TMEM236: variants seen among roughly 807,000 people sequenced by gnomAD.
TMEM236 encodes the protein transmembrane protein 236, also known as family with sequence similarity 23, member A.
A neutral mutation model predicts 14.7 loss-of-function variants in TMEM236; 11 were observed. The ratio of observed to expected loss-of-function variants is 0.75; its 90% CI spans 0.47 to 1.24. The LOEUF (loss-of-function observed/expected upper bound fraction) is 1.24. TMEM236 is among the 50% of genes most tolerant of loss of function. TMEM236 has a pLI of 0.00. For synonymous variants in TMEM236, 182 were observed against 168.6 expected (o/e 1.08, Z -0.62); for missense variants, 464 against 427.3 (o/e 1.09, Z -0.76).
intron 3 of TMEM236, among the ~76,000 whole-genome samples, chr10:17,792,966 G>C: frequency 6.6e-6 from 1 of 152,152 alleles, no homozygotes. Flanking sequence ...TGTGCTTGCT[G>C]GTCCCCTCCA....
intron 1 of TMEM236, among the ~76,000 whole-genome samples, chr10:17,768,727 ATGTGTGTG>A (rs570319904): frequency 1.4e-5 from 2 of 144,200 alleles, no homozygotes; most frequent in African/African-American, 2.5e-5. Context: ...TATACAACTC[ATGTGTGTG>A]TGTGTGTGTG....
Position 17,762,220 on chromosome 10 carries a change from G to A in TMEM236, c.258-9089G>A, listed in dbSNP as rs919031599. Reference sequence around the variant, plus strand: ...GGCATCATTCTGCCATCTCAACCACGCCACATCTCAGTCTGCTAAGTTTTC... The same window carrying A: ...GGCATCATTCTGCCATCTCAACCACACCACATCTCAGTCTGCTAAGTTTTC... On this transcript the variant is annotated intron_variant, in intron 1 of 3. Coordinates refer to ENST00000377495, the MANE Select transcript of TMEM236 (RefSeq NM_001098844.3). Among the ~76,000 whole-genome samples the A allele has an allele frequency of 9.2e-3, 1,394 of 152,076 alleles. 25 individuals are homozygous for A. Among genetic ancestry groups the A allele is most frequent in the African/African-American group, 0.032 (1,324 of 41,482 alleles).
chr10:17,752,564 A>T lies in TMEM236; in HGVS notation c.257+12A>T, dbSNP rs1837224966. ...AAAATTAAAGGATGGTAAGTAAAAG[A>T]ATTTTCTTTTTTTTCTTTTTGATTT... On this transcript the variant is annotated intron_variant, in intron 1 of 3. Coordinates refer to ENST00000377495, the MANE Select transcript of TMEM236 (RefSeq NM_001098844.3). The T allele has an allele frequency of 6.2e-7, 1 of 1,612,570 alleles. No individual in the cohort carries two copies. Among genetic ancestry groups the T allele is most frequent in the Non-Finnish European group, 8.5e-7 (1 of 1,178,916 alleles).
intron 3 of TMEM236, among the ~76,000 whole-genome samples, chr10:17,779,409 G>T (rs1324293073): frequency 6.6e-6 from 1 of 151,880 alleles, no homozygotes; most frequent in Admixed American, 6.6e-5. Flanking sequence ...CTGGTTTGAG[G>T]CTCAACAGTA....
chr10:17,758,450 C>T (rs1367717369), intron 1 of TMEM236, among the ~76,000 whole-genome samples: 1 of 152,034 alleles, frequency 6.6e-6, no homozygotes, highest in Non-Finnish European at 1.5e-5. Flanking sequence ...GGATTCAAAT[C>T]CTAGCCTTGA....
intron 3 of TMEM236, among the ~76,000 whole-genome samples, chr10:17,791,466 C>T (rs1187960901): frequency 1.3e-5 from 2 of 151,792 alleles, no homozygotes; most frequent in South Asian, 2.1e-4. Flanking sequence ...TCTAAAATAA[C>T]GTAAAGTGAC....
At chr10:17,760,079 A>C (rs1437828950) in intron 1 of TMEM236, among the ~76,000 whole-genome samples, 1 of 150,380 alleles carries the variant, frequency 6.6e-6, no homozygotes, top group Admixed American at 6.6e-5. Flanking sequence ...AACACACAGC[A>C]CTAGTGACAT....
chr10:17,794,822 G>A (rs2131769498), intron 3 of TMEM236, among the ~76,000 whole-genome samples: 1 of 152,274 alleles, frequency 6.6e-6, no homozygotes, highest in East Asian at 1.9e-4. Context: ...AAGATCACAT[G>A]AGGTCAGGAG....
At chr10:17,792,761 T>C (rs923770607) in intron 3 of TMEM236, among the ~76,000 whole-genome samples, 3 of 152,224 alleles carry the variant, frequency 2.0e-5, no homozygotes, top group Non-Finnish European at 4.4e-5. Flanking sequence ...GCTCTCTCTT[T>C]ATGCTTATAT....
chr10:17,799,097 A>C lies in TMEM236; in HGVS notation c.*2593A>C, dbSNP rs1248822081. The C allele has an allele frequency of 5.6e-6, 1 of 177,738 alleles. No individual in the cohort carries two copies. The highest frequency in any genetic ancestry group is 2.4e-5 in the African/African-American group (1 of 41,624). 11.0% of individuals were successfully genotyped at this position (177,738 alleles called of 1,614,324 possible). A position where few individuals can be genotyped will look rare whatever the true frequency, so the allele number is the denominator to read the frequency against. On this transcript the variant is annotated 3_prime_UTR_variant, in exon 4 of 4. Transcript: ENST00000377495. The stretch of plus-strand genomic sequence containing the variant: ...TAAATTAAAATGGACACAAGCCTTC[A>C]TTCATCAGACATTTGAGTGTCTGTC...
chr10:17,793,442 TATTA>T (rs1837960255), intron 3 of TMEM236, among the ~76,000 whole-genome samples: 1 of 152,216 alleles, frequency 6.6e-6, no homozygotes, highest in African/African-American at 2.4e-5. Flanking sequence ...GGACATGACA[TATTA>T]TAAGGCAATA....
intron 1 of TMEM236, among the ~76,000 whole-genome samples, chr10:17,764,599 A>C (rs1287129058): frequency 6.6e-6 from 1 of 152,118 alleles, no homozygotes; most frequent in African/African-American, 2.4e-5. Context: ...GAAATACCTG[A>C]AAGTTCTGGA....
rs1473103508 is a variant in TMEM236 at position 17,797,978 on chromosome 10, C to T, written c.*1474C>T. 3 of 152,120 alleles carry T rather than the reference C, an allele frequency of 2.0e-5. No homozygotes were observed. The highest frequency in any genetic ancestry group is 7.2e-5 in the African/African-American group (3 of 41,398). The allele number at this position is 152,120 out of a possible 1,614,324, so 9.4% of individuals were successfully genotyped here. ...AAAGTTCGGCTTACAAATATAATAGCCAATGTATCAGTGTCTTATGTGATA... is the reference window on the plus strand; with the variant it reads ...AAAGTTCGGCTTACAAATATAATAGTCAATGTATCAGTGTCTTATGTGATA... On this transcript the variant is annotated 3_prime_UTR_variant, in exon 4 of 4. Coordinates refer to ENST00000377495, the MANE Select transcript of TMEM236 (RefSeq NM_001098844.3).
intron 2 of TMEM236, among the ~76,000 whole-genome samples, chr10:17,773,110 TACAG>T (rs1837600909): frequency 1.3e-5 from 2 of 152,332 alleles, no homozygotes; most frequent in African/African-American, 4.8e-5. Context: ...TTTTGGCAAT[TACAG>T]AGAATGCGGC....
rs1837220330 is a variant in TMEM236 at position 17,752,260 on chromosome 10, G to A, written c.-36G>A. On this transcript the variant is annotated 5_prime_UTR_variant, in exon 1 of 4. Coordinates refer to ENST00000377495, the MANE Select transcript of TMEM236 (RefSeq NM_001098844.3). ...CATATGCTGCCCACAGTCAAAGAGGGAGTCCCAGGTTCTTGGCAGCTTGCT... is the reference window on the plus strand; with the variant it reads ...CATATGCTGCCCACAGTCAAAGAGGAAGTCCCAGGTTCTTGGCAGCTTGCT... The A allele has an allele frequency of 6.2e-7, 1 of 1,613,922 alleles. No homozygotes were observed. The highest frequency in any genetic ancestry group is 1.7e-5 in the Admixed American group (1 of 60,020).
chr10:17,758,323 CT>C (rs782812964), intron 1 of TMEM236, among the ~76,000 whole-genome samples: 17,753 of 152,174 alleles, frequency 0.12, 1,067 homozygotes, highest in Non-Finnish European at 0.15. Flanking sequence ...TATCTGAGAG[CT>C]TCCCTGAAGG....
intron 3 of TMEM236, among the ~76,000 whole-genome samples, chr10:17,794,670 T>C (rs968737698): frequency 3.0e-4 from 45 of 152,262 alleles, no homozygotes; most frequent in African/African-American, 9.1e-4. Context: ...ACTTCTAGAA[T>C]CTTTGCAAAA....
chr10:17,781,798 T>A (rs199523350), intron 3 of TMEM236, among the ~76,000 whole-genome samples: 18,696 of 149,984 alleles, frequency 0.12, 1,556 homozygotes, highest in East Asian at 0.37. Context: ...GTGTGTGTTG[T>A]ATGTGTGTGT....
chr10:17,780,235 T>A (rs1208353502), intron 3 of TMEM236, among the ~76,000 whole-genome samples: 1 of 152,050 alleles, frequency 6.6e-6, no homozygotes, highest in African/African-American at 2.4e-5. Flanking sequence ...GTCTCATAGA[T>A]CCTCAAATCA....
Sources: gnomAD v4.1 joint callset for allele counts (sites outside exome capture counted in the v4.1 genomes callset) on GRCh38, gnomAD v4.1.1 for gene constraint, MANE v1.5 for transcripts, NCBI Gene and HGNC (gene_info 2026-07-23, HGNC 2026-07-21) for gene names.